The following GATA4 variants were observed in gnomAD, a reference collection of about 807,000 sequenced individuals.
The protein encoded by GATA4 is transcription factor GATA-4.
GATA4 carries 7 observed loss-of-function variants against 37.9 expected under a neutral mutation model. That is an observed-to-expected ratio of 0.18 (90% CI 0.11 to 0.35). The LOEUF is 0.35. Ranked by LOEUF, GATA4 falls within the 10% of genes least tolerant of loss-of-function variation. The pLI is 1.00. For missense variants in GATA4, 647 were observed against 653.0 expected, an observed-to-expected ratio of 0.99 and a Z score of 0.10; for synonymous variants, 372 against 292.6, an observed-to-expected ratio of 1.27 and a Z score of -2.77.
chr8:11,723,104 T>G (rs547841630), intron 2 of GATA4, among the ~76,000 whole-genome samples: 2 of 152,236 alleles, frequency 1.3e-5, no homozygotes, highest in African/African-American at 2.4e-5. Context: ...CCCAGCACTT[T>G]GGGAGGCTGA....
chr8:11,740,278 C>T (rs541385774), intron 2 of GATA4, among the ~76,000 whole-genome samples: 1 of 152,188 alleles, frequency 6.6e-6, no homozygotes, highest in African/African-American at 2.4e-5. Flanking sequence ...CAGCATGTCA[C>T]GGATGCAGGT....
At chr8:11,686,604 C>A (rs1336890094) in intron 1 of GATA4, among the ~76,000 whole-genome samples, 1 of 152,194 alleles carries the variant, frequency 6.6e-6, no homozygotes, top group East Asian at 1.9e-4. Flanking sequence ...ATGTAATTTT[C>A]CAGCCCCCTA....
intron 1 of GATA4, chr8:11,697,795 G>C: frequency 3.0e-6 from 3 of 985,468 alleles, no homozygotes; most frequent in Non-Finnish European, 3.6e-6. Context: ...GTCACCTCGG[G>C]GCGAGGGCAA....
upstream of GATA4, among the ~76,000 whole-genome samples, chr8:11,703,850 C>T (rs899152479): frequency 2.0e-5 from 3 of 152,216 alleles, no homozygotes; most frequent in South Asian, 2.1e-4. Flanking sequence ...CTCTACTGGC[C>T]CCGCCCCTCG....
At chr8:11,696,190 A>G (rs1351248412) in intron 1 of GATA4, among the ~76,000 whole-genome samples, 2 of 152,206 alleles carry the variant, frequency 1.3e-5, no homozygotes, top group Middle Eastern at 3.2e-3. Context: ...GAGTCTTGAC[A>G]TACACACAAA....
intron 2 of GATA4, among the ~76,000 whole-genome samples, chr8:11,719,522 T>C (rs1477936698): frequency 2.6e-5 from 4 of 152,154 alleles, no homozygotes; most frequent in Non-Finnish European, 5.9e-5. Flanking sequence ...GAAACTTCTT[T>C]ATTTTATGAA....
Position 11,708,506 on chromosome 8 carries a change from G to C in GATA4, c.194G>C (p.Gly65Ala). 6.8e-7 allele frequency: 1 copy of C among 1,476,330 alleles called. No homozygotes were observed. Among genetic ancestry groups the C allele is most frequent in the Non-Finnish European group, 8.9e-7 (1 of 1,121,036 alleles). 91.5% of individuals were successfully genotyped at this position (1,476,330 alleles called of 1,614,324 possible). A position where few individuals can be genotyped will look rare whatever the true frequency, so the allele number is the denominator to read the frequency against. ...QGGGAGSASG[G>A]ASGGSSGGAA... is the part of the protein sequence containing the mutation. Reference sequence around the variant, plus strand: ...GGAGGCGCGGGCTCTGCGTCCGGAGGCGCCTCGGGCGGCAGCTCCGGTGGG... The same window carrying C: ...GGAGGCGCGGGCTCTGCGTCCGGAGCCGCCTCGGGCGGCAGCTCCGGTGGG... Residue 65 changes from glycine to alanine, a missense_variant, in exon 2 of 7, where the codon GGC becomes GCC. By Grantham distance (60) the Gly-to-Ala change is moderately conservative. Around this residue, in one of 5 missense-constraint regions of GATA4, gnomAD observed 379 missense variants for 334.5 expected, o/e 1.13. Coordinates refer to ENST00000532059, the MANE Select transcript of GATA4 (RefSeq NM_001308093.3). The surrounding 1 kb of genome is among the most constrained non-coding windows in gnomAD (Gnocchi z 6.7).
At chr8:11,726,423 A>T (rs1158238985) in intron 2 of GATA4, among the ~76,000 whole-genome samples, 3 of 152,234 alleles carry the variant, frequency 2.0e-5, no homozygotes, top group African/African-American at 7.2e-5. Context: ...AGGTAGTAAC[A>T]CGGGAACAGG....
Position 11,749,386 on chromosome 8 carries a change from G to T in GATA4, c.786+301G>T, listed in dbSNP as rs1196708394. On this transcript the variant is annotated intron_variant, in intron 3 of 6. Transcript: ENST00000532059. The surrounding 1 kb of genome is among the most constrained non-coding windows in gnomAD (Gnocchi z 4.6). ...TCTAGAACTCTGGAACCAGAATCCA[G>T]GTTTCCTGGTTCCCAGTCCAGTGTT... Among the ~76,000 whole-genome samples the T allele has an allele frequency of 6.6e-6, 1 of 152,124 alleles. No homozygotes were observed. The highest frequency in any genetic ancestry group is 2.4e-5 in the African/African-American group (1 of 41,416).
intron 2 of GATA4, among the ~76,000 whole-genome samples, chr8:11,721,200 G>A (rs983111548): frequency 4.0e-5 from 6 of 151,352 alleles, no homozygotes; most frequent in African/African-American, 1.5e-4. Context: ...CTGGGCGCCT[G>A]AAGTCAAGGC....
chr8:11,743,285 C>CT (rs1801849737), intron 2 of GATA4, among the ~76,000 whole-genome samples: 1 of 152,272 alleles, frequency 6.6e-6, no homozygotes, highest in Admixed American at 6.5e-5. Context: ...TTCGTTACGT[C>CT]TAGCACTTGG....
At chr8:11,755,978 A>G (rs1414669861) in intron 5 of GATA4, among the ~76,000 whole-genome samples, 1 of 150,318 alleles carries the variant, frequency 6.7e-6, no homozygotes, top group Non-Finnish European at 1.5e-5. Context: ...TTTTTAATAA[A>G]TATATTAACT....
intron 2 of GATA4, among the ~76,000 whole-genome samples, chr8:11,730,008 C>G (rs1585642721): frequency 6.6e-6 from 1 of 152,172 alleles, no homozygotes; most frequent in South Asian, 2.1e-4. Flanking sequence ...TCACTGCAGT[C>G]TTTACCTCCA....
Position 11,748,936 on chromosome 8 carries a change from T to A in GATA4, c.637T>A (p.Ser213Thr), listed in dbSNP as rs1302235095. 1 of 1,614,230 alleles carries A rather than the reference T, an allele frequency of 6.2e-7. No individual in the cohort carries two copies. Among genetic ancestry groups the A allele is most frequent in the Admixed American group, 1.7e-5 (1 of 60,032 alleles). Residue 213 changes from serine to threonine, a missense_variant, in exon 3 of 7, where the codon TCA (serine) becomes ACA (threonine). Physicochemically the swap from Ser to Thr is moderately conservative, Grantham distance 58. Transcript: ENST00000532059. ...CTCAGTAGATATGTTTGACGACTTC[T>A]CAGAAGGCAGAGAGTGTGTCAACTG... ...PNLVDMFDDFSEGRECVNCGA... is the reference protein window; with the variant it reads ...PNLVDMFDDFTEGRECVNCGA...
At chr8:11,677,506 C>G (rs1343587206) in intron 1 of GATA4, among the ~76,000 whole-genome samples, 1 of 152,206 alleles carries the variant, frequency 6.6e-6, no homozygotes, top group African/African-American at 2.4e-5. Flanking sequence ...ACCATCTGGC[C>G]TCTGCTTCCT....
chr8:11,749,808 C>T lies in GATA4; in HGVS notation c.787-303C>T, dbSNP rs189779003. On this transcript the variant is annotated intron_variant, in intron 3 of 6. Transcript: ENST00000532059. This position sits in a 1 kb window ranked among gnomAD's most constrained non-coding sequence, Gnocchi z 4.6. ...CTCCTCTCAGGAGAAGCTTTCCTGC[C>T]GGCAGTGCCCGGCGCTCACTGGTTA... 2.0e-5 allele frequency among the ~76,000 whole-genome samples: 3 copies of T among 152,314 alleles called. No individual in the cohort carries two copies. The highest frequency in any genetic ancestry group is 4.4e-5 in the Non-Finnish European group (3 of 68,028).
At chr8:11,681,169 C>T (rs1226735076) in intron 1 of GATA4, 2 of 985,384 alleles carry the variant, frequency 2.0e-6, no homozygotes, top group East Asian at 1.1e-4. Context: ...TTCGCAGAAC[C>T]TTCGGGGGTT....
chr8:11,698,556 C>T (rs1443912275), intron 1 of GATA4, among the ~76,000 whole-genome samples: 1 of 152,116 alleles, frequency 6.6e-6, no homozygotes, highest in African/African-American at 2.4e-5. Flanking sequence ...CTCCTCCACT[C>T]CTCACCCTGC....
chr8:11,704,696 C>G (rs979331499), intron 1 of GATA4, among the ~76,000 whole-genome samples: 13 of 152,206 alleles, frequency 8.5e-5, no homozygotes, highest in Non-Finnish European at 1.6e-4. Flanking sequence ...CACGGCAGCT[C>G]GCACATGGAG....
Sources: allele counts gnomAD v4.1 joint callset (sites outside exome capture counted in the v4.1 genomes callset), GRCh38; gene constraint gnomAD v4.1.1; regional missense constraint gnomAD v4.1.1; non-coding constraint Gnocchi (gnomAD v3.1); transcripts MANE v1.5; gene names NCBI Gene and HGNC (gene_info 2026-07-23, HGNC 2026-07-21).